Variants in SPRED1 observed in about 807,000 individuals in gnomAD.
SPRED1 encodes sprouty-related, EVH1 domain-containing protein 1.
SPRED1 carries 18 observed loss-of-function variants against 52.3 expected under a neutral mutation model. That is an observed-to-expected ratio of 0.34 (90% CI 0.24 to 0.51). The LOEUF (loss-of-function observed/expected upper bound fraction) is 0.51, where lower values mean the gene tolerates loss of function less well. Among genes scored for constraint, SPRED1 ranks in the 20% least tolerant of loss-of-function variants. The pLI, the probability that SPRED1 is intolerant of heterozygous loss-of-function variation, is 0.97. For synonymous variants in SPRED1, 155 were observed against 179.7 expected, an observed-to-expected ratio of 0.86 and a Z score of 1.10; for missense variants, 485 against 551.0, an observed-to-expected ratio of 0.88 and a Z score of 1.20.
intron 1 of SPRED1, among the ~76,000 whole-genome samples, chr15:38,293,538 A>T (rs960306782): frequency 6.6e-6 from 1 of 152,156 alleles, no homozygotes; most frequent in South Asian, 2.1e-4. Flanking sequence ...CGTCTTTCTA[A>T]TCAAACTCAG....
intron 1 of SPRED1, among the ~76,000 whole-genome samples, chr15:38,286,225 T>TGA (rs1894805266): frequency 9.8e-5 from 1 of 10,160 alleles, no homozygotes; most frequent in Non-Finnish European, 3.1e-4. Context: ...CACTCCAGCC[T>TGA]CAAAAAAAAA....
chr15:38,328,228 A>AT (rs1895744311), intron 4 of SPRED1, among the ~76,000 whole-genome samples: 1 of 152,328 alleles, frequency 6.6e-6, no homozygotes, highest in South Asian at 2.1e-4. Context: ...GCATTATCTA[A>AT]TTTTTTAACA....
At chr15:38,276,831 T>TA (rs1566852032) in intron 1 of SPRED1, among the ~76,000 whole-genome samples, 1 of 152,214 alleles carries the variant, frequency 6.6e-6, no homozygotes, top group East Asian at 1.9e-4. Flanking sequence ...TGAAACACTG[T>TA]AGTTTATCCT....
chr15:38,323,596 A>G (rs1002625527), intron 3 of SPRED1, among the ~76,000 whole-genome samples: 1 of 141,218 alleles, frequency 7.1e-6, no homozygotes, highest in Non-Finnish European at 1.5e-5. Context: ...AGGAATTGTA[A>G]TTTGAATTTG....
rs1555390726 is a variant in SPRED1, at chr15:38,316,756, T to TTTTTTTTG, written c.208-5478_208-5477insGTTTTTTT. Among the ~76,000 whole-genome samples, 125 of 146,102 alleles carry TTTTTTTTG rather than the reference T, an allele frequency of 8.6e-4. 2 individuals carry two copies. The highest frequency in any genetic ancestry group is 1.5e-3 in the Non-Finnish European group (98 of 66,148). On this transcript the variant is annotated intron_variant, in intron 2 of 6. Transcript: ENST00000299084. Reference sequence around the variant, plus strand: ...ACAATTTTCCATTATATGTTTTTTTTTTTTTTTTTTTTTTTTGGTTAATGT... The same window carrying TTTTTTTTG: ...ACAATTTTCCATTATATGTTTTTTTTTTTTTTTGTTTTTTTTTTTTTTTTGGTTAATGT...
At chr15:38,306,087 A>C (rs918492358) in intron 2 of SPRED1, among the ~76,000 whole-genome samples, 4 of 151,890 alleles carry the variant, frequency 2.6e-5, no homozygotes, top group African/African-American at 4.8e-5. Context: ...CTTCTTTAGG[A>C]TTCCCCACTG....
intron 1 of SPRED1, 114 bp from the exon 2 acceptor site, chr15:38,299,259 A>G: frequency 8.6e-7 from 1 of 1,169,326 alleles, no homozygotes; most frequent in Non-Finnish European, 1.3e-6. Flanking sequence ...AGTAGTAAAC[A>G]CCTTAGTCAC....
chr15:38,284,202 A>G (rs963461548), intron 1 of SPRED1, among the ~76,000 whole-genome samples: 2 of 152,146 alleles, frequency 1.3e-5, no homozygotes, highest in African/African-American at 4.8e-5. Context: ...AATACACATC[A>G]TAGTAGTGGC....
chr15:38,259,665 C>T (rs1225416834), intron 1 of SPRED1, among the ~76,000 whole-genome samples: 1 of 151,944 alleles, frequency 6.6e-6, no homozygotes, highest in Non-Finnish European at 1.5e-5. Context: ...AACAAGATAC[C>T]AGTCTTTATG....
chr15:38,328,608 A>G (rs1477137820), intron 4 of SPRED1, among the ~76,000 whole-genome samples: 1 of 152,250 alleles, frequency 6.6e-6, no homozygotes, highest in Admixed American at 6.5e-5. Flanking sequence ...GTTTTGAGGA[A>G]AAGTCTTAAA....
chr15:38,295,447 G>T (rs756850907), intron 1 of SPRED1, among the ~76,000 whole-genome samples: 1 of 152,134 alleles, frequency 6.6e-6, no homozygotes, highest in Non-Finnish European at 1.5e-5. Context: ...GTATCTAAAC[G>T]TCAGAAAGGT....
At chr15:38,308,523 A>G (rs1001334034) in intron 2 of SPRED1, among the ~76,000 whole-genome samples, 3 of 152,218 alleles carry the variant, frequency 2.0e-5, no homozygotes, top group African/African-American at 7.2e-5. Context: ...CCAGGCAACC[A>G]CTATTTTGTT....
intron 5 of SPRED1, among the ~76,000 whole-genome samples, chr15:38,340,601 T>C (rs7169667): frequency 0.82 from 124,748 of 151,622 alleles, 52,132 homozygotes; most frequent in Non-Finnish European, 0.9. Flanking sequence ...GGCATGATCT[T>C]GGCTCACTGC....
rs1888622490 is a variant in SPRED1 at position 38,356,409 on chromosome 15, T to G, written c.*4745T>G. ...TTATCATAAGAATTTGTTTTAATGG[T>G]TTTTTTCCCTCCTGGAATTACCTGA... On this transcript the variant is annotated 3_prime_UTR_variant, in exon 7 of 7. Coordinates refer to ENST00000299084, the MANE Select transcript of SPRED1 (RefSeq NM_152594.3). 6.6e-6 allele frequency: 1 copy of G among 152,022 alleles called. No homozygotes were observed. 9.4% of individuals were successfully genotyped at this position (152,022 alleles called of 1,614,324 possible).
chr15:38,284,765 T>C (rs973551292), intron 1 of SPRED1, among the ~76,000 whole-genome samples: 2 of 152,190 alleles, frequency 1.3e-5, no homozygotes, highest in Non-Finnish European at 2.9e-5. Context: ...CTTGTTGTTA[T>C]CACCTACTAA....
At chr15:38,347,289 G>GAAAGTACC (rs1236649043) in intron 5 of SPRED1, among the ~76,000 whole-genome samples, 3 of 151,978 alleles carry the variant, frequency 2.0e-5, no homozygotes, top group Non-Finnish European at 4.4e-5. Context: ...TCCCCGCACT[G>GAAAGTACC]ATATGCAGTA....
chr15:38,342,235 G>A (rs889373432), intron 5 of SPRED1, among the ~76,000 whole-genome samples: 1 of 151,460 alleles, frequency 6.6e-6, no homozygotes, highest in African/African-American at 2.4e-5. Context: ...TAGTAATACA[G>A]CTGTTAAGTA....
At chr15:38,333,712 C>T (rs1458670333) in intron 4 of SPRED1, among the ~76,000 whole-genome samples, 3 of 152,102 alleles carry the variant, frequency 2.0e-5, no homozygotes, top group South Asian at 2.1e-4. Flanking sequence ...AGAACTGGAA[C>T]ATATGTATAT....
intron 1 of SPRED1, among the ~76,000 whole-genome samples, chr15:38,254,796 T>A (rs990416284): frequency 1.3e-4 from 20 of 152,218 alleles, no homozygotes; most frequent in Admixed American, 9.8e-4. Context: ...CAGTACAGTC[T>A]CTCCCTGCCT....
Sources: allele counts gnomAD v4.1 joint callset (sites outside exome capture counted in the v4.1 genomes callset), GRCh38; gene constraint gnomAD v4.1.1; transcripts MANE v1.5; gene names NCBI Gene and HGNC (gene_info 2026-07-23, HGNC 2026-07-21).